Variants in LINGO2 observed in about 807,000 individuals in gnomAD.
LINGO2 encodes the protein leucine rich repeat and Ig domain containing 2.
Under a neutral mutation model 30.6 loss-of-function variants are expected in LINGO2, and 14 were observed. The observed-to-expected ratio is 0.46, with a 90% CI of 0.30 to 0.72. The LOEUF is 0.72. Among genes scored for constraint, LINGO2 ranks in the 30% least tolerant of loss-of-function variants. The pLI is 0.07. For missense variants in LINGO2, 729 were observed against 751.7 expected, an observed-to-expected ratio of 0.97 and a Z score of 0.35; for synonymous variants, 317 against 288.5, an observed-to-expected ratio of 1.10 and a Z score of -1.00.
chr9:28,000,243 C>A lies in LINGO2; in HGVS notation c.-36+12112G>T, dbSNP rs1821879520. ...CACAGCTCCAAAATCAACTTGTAAGCTTTTTGGTAACTTGAAATAAGTTTT... is the reference window on the plus strand; with the variant it reads ...CACAGCTCCAAAATCAACTTGTAAGATTTTTGGTAACTTGAAATAAGTTTT... On this transcript the variant is annotated intron_variant, in intron 5 of 5. Transcript: ENST00000379992. Among the ~76,000 whole-genome samples, 4 of 152,224 alleles carry A rather than the reference C, an allele frequency of 2.6e-5. 1 individual carries two copies. In the South Asian group the frequency reaches 8.3e-4, roughly 32 times the overall value.
At chr9:28,330,700 G>A (rs1382517723) in intron 3 of LINGO2, among the ~76,000 whole-genome samples, 2 of 152,060 alleles carry the variant, frequency 1.3e-5, no homozygotes, top group African/African-American at 2.4e-5. Flanking sequence ...GGACATGGTG[G>A]GCAGGTCTAA....
the LINGO2 span, among the ~76,000 whole-genome samples, chr9:28,940,115 G>A: frequency 6.6e-6 from 1 of 152,080 alleles, no homozygotes; most frequent in Non-Finnish European, 1.5e-5. Flanking sequence ...TCTTATTACT[G>A]ATTATTGCAT....
chr9:29,075,042 G>A, the LINGO2 span, among the ~76,000 whole-genome samples: 15 of 152,054 alleles, frequency 9.9e-5, no homozygotes, highest in Admixed American at 7.2e-4. Context: ...ATGTGCTTTC[G>A]TCAACTAGCT....
intron 4 of LINGO2, among the ~76,000 whole-genome samples, chr9:28,132,443 C>T (rs1227342875): frequency 3.9e-5 from 6 of 152,150 alleles, no homozygotes; most frequent in African/African-American, 1.4e-4. Flanking sequence ...CTTAAAGAGA[C>T]TTTCCAAGGC....
chr9:28,610,088 C>T (rs1825853868), intron 1 of LINGO2, among the ~76,000 whole-genome samples: 1 of 150,574 alleles, frequency 6.6e-6, no homozygotes, highest in South Asian at 2.1e-4. Flanking sequence ...GAGACAGAGG[C>T]AGAGAAAAAA....
intron 3 of LINGO2, among the ~76,000 whole-genome samples, chr9:28,342,359 A>G (rs1332637890): frequency 1.3e-5 from 2 of 152,154 alleles, no homozygotes; most frequent in Non-Finnish European, 2.9e-5. Context: ...AAATAGTCCA[A>G]CAAACACGCA....
intron 2 of LINGO2, among the ~76,000 whole-genome samples, chr9:28,433,060 GTAAT>G (rs1673851948): frequency 2.0e-5 from 3 of 152,024 alleles, no homozygotes; most frequent in Admixed American, 2.0e-4. Flanking sequence ...ACTAAGCATA[GTAAT>G]TAATTGTTAC....
chr9:28,822,447 T>G, the LINGO2 span, among the ~76,000 whole-genome samples: 4 of 152,324 alleles, frequency 2.6e-5, no homozygotes, highest in East Asian at 7.7e-4. Flanking sequence ...GATTGAAGGA[T>G]GCAAAGTATT....
chr9:28,844,227 C>T, the LINGO2 span, among the ~76,000 whole-genome samples: 21 of 151,648 alleles, frequency 1.4e-4, no homozygotes, highest in East Asian at 5.8e-4. Context: ...CCAGGCATGG[C>T]GGCGCACACC....
intron 4 of LINGO2, among the ~76,000 whole-genome samples, chr9:28,154,250 T>C (rs1056788735): frequency 6.6e-6 from 1 of 151,936 alleles, no homozygotes; most frequent in Non-Finnish European, 1.5e-5. Flanking sequence ...TGAGATTTTA[T>C]GCGCTTGTCA....
At chr9:28,276,808 A>G (rs1001511193) in intron 4 of LINGO2, among the ~76,000 whole-genome samples, 5 of 152,184 alleles carry the variant, frequency 3.3e-5, no homozygotes, top group African/African-American at 9.6e-5. Context: ...GTTCTTTTAT[A>G]TTAAAAGACA....
chr9:28,505,419 T>A (rs971160791), intron 1 of LINGO2, among the ~76,000 whole-genome samples: 2 of 151,890 alleles, frequency 1.3e-5, no homozygotes, highest in Non-Finnish European at 2.9e-5. Context: ...AACAAATTTG[T>A]TGGATATTGT....
At chr9:28,900,317 G>C in the LINGO2 span, among the ~76,000 whole-genome samples, 1 of 152,160 alleles carries the variant, frequency 6.6e-6, no homozygotes. Context: ...CTCCAGGATA[G>C]CCTCTGCAGA....
At chr9:28,359,111 C>A (rs891631047) in intron 3 of LINGO2, among the ~76,000 whole-genome samples, 2 of 152,044 alleles carry the variant, frequency 1.3e-5, no homozygotes, top group African/African-American at 4.8e-5. Context: ...CTTCTACTTA[C>A]AAAAGAATCG....
intron 4 of LINGO2, among the ~76,000 whole-genome samples, chr9:28,277,350 C>T (rs537464487): frequency 1.6e-4 from 25 of 152,278 alleles, no homozygotes; most frequent in African/African-American, 5.5e-4. Context: ...TGTGTTCTGA[C>T]TGCTCCATTG....
At chr9:28,156,010 T>C (rs910272416) in intron 4 of LINGO2, among the ~76,000 whole-genome samples, 2 of 152,198 alleles carry the variant, frequency 1.3e-5, no homozygotes, top group African/African-American at 4.8e-5. Context: ...TATTTTGTTA[T>C]AGTAACCCAA....
At chr9:28,629,567 A>T (rs2135867767) in intron 1 of LINGO2, among the ~76,000 whole-genome samples, 1 of 152,180 alleles carries the variant, frequency 6.6e-6, no homozygotes, top group East Asian at 1.9e-4. Context: ...TTATAGCCAA[A>T]TACATACTAA....
At chr9:29,110,970 T>C in the LINGO2 span, among the ~76,000 whole-genome samples, 2 of 151,798 alleles carry the variant, frequency 1.3e-5, no homozygotes, top group Non-Finnish European at 2.9e-5. Context: ...ATTACAGGCG[T>C]GAGCCACGGC....
chr9:28,451,415 G>A (rs1234205007), intron 2 of LINGO2, among the ~76,000 whole-genome samples: 1 of 151,728 alleles, frequency 6.6e-6, no homozygotes, highest in Admixed American at 6.6e-5. Flanking sequence ...ATGCAAACAG[G>A]TTCGATAAAG....
Sources: allele counts gnomAD v4.1 joint callset (sites outside exome capture counted in the v4.1 genomes callset), GRCh38; gene constraint gnomAD v4.1.1; transcripts MANE v1.5; gene names NCBI Gene and HGNC (gene_info 2026-07-23, HGNC 2026-07-21).